The following PTPRD variants were observed in gnomAD, a reference collection of about 807,000 sequenced individuals.
The protein encoded by PTPRD is protein tyrosine phosphatase receptor type D, also known as receptor-type tyrosine-protein phosphatase delta.
A neutral mutation model predicts 214.5 loss-of-function variants in PTPRD; 34 were observed. The ratio of observed to expected loss-of-function variants is 0.16; its 90% CI spans 0.12 to 0.21. PTPRD has a LOEUF of 0.21. Among genes scored for constraint, PTPRD ranks in the 10% least tolerant of loss-of-function variants. PTPRD has a pLI of 1.00. For synonymous variants in PTPRD, 1,128 were observed against 845.7 expected (o/e 1.33, Z -5.79); for missense variants, 2,545 against 2,398.7 (o/e 1.06, Z -1.27).
chr9:9,610,234 C>T (rs150410102), intron 7 of PTPRD, among the ~76,000 whole-genome samples: 200 of 152,210 alleles, frequency 1.3e-3, no homozygotes, highest in African/African-American at 4.8e-3. Context: ...CCACTCAGTC[C>T]TTGAACAACT....
At chr9:9,100,753 T>C (rs1454842210) in intron 10 of PTPRD, among the ~76,000 whole-genome samples, 2 of 152,144 alleles carry the variant, frequency 1.3e-5, no homozygotes, top group Non-Finnish European at 1.5e-5. Flanking sequence ...CAAAATTATG[T>C]ATTGGAAATC....
intron 6 of PTPRD, among the ~76,000 whole-genome samples, chr9:9,766,246 ATTCCAG>A (rs2098706064): frequency 6.6e-6 from 1 of 152,160 alleles, no homozygotes; most frequent in Admixed American, 6.5e-5. Flanking sequence ...TCATGATAGC[ATTCCAG>A]TTTGAAATAA....
At chr9:10,504,255 C>G (rs1380244017) in intron 2 of PTPRD, among the ~76,000 whole-genome samples, 2 of 149,648 alleles carry the variant, frequency 1.3e-5, no homozygotes, top group Non-Finnish European at 3.0e-5. Context: ...TCTACATGTA[C>G]ACAAACAGTC....
At chr9:10,452,901 G>C (rs1386457426) in intron 2 of PTPRD, among the ~76,000 whole-genome samples, 1 of 151,682 alleles carries the variant, frequency 6.6e-6, no homozygotes, top group African/African-American at 2.4e-5. Flanking sequence ...TCACTGTGAA[G>C]AGCATATCAA....
chr9:9,310,420 C>A (rs907066124), intron 9 of PTPRD, among the ~76,000 whole-genome samples: 1 of 152,116 alleles, frequency 6.6e-6, no homozygotes, highest in African/African-American at 2.4e-5. Flanking sequence ...CTTACCCATT[C>A]TCTCTTCACT....
chr9:9,118,330 C>T (rs570587037), intron 10 of PTPRD, among the ~76,000 whole-genome samples: 3 of 152,234 alleles, frequency 2.0e-5, no homozygotes, highest in South Asian at 2.1e-4. Flanking sequence ...GATTCACAAG[C>T]GGAGTGAACA....
At chr9:9,753,647 G>C (rs2098542821) in intron 6 of PTPRD, among the ~76,000 whole-genome samples, 1 of 152,020 alleles carries the variant, frequency 6.6e-6, no homozygotes, top group Admixed American at 6.6e-5. Context: ...GTTCACAAGA[G>C]TTGGTGTGAT....
chr9:9,008,100 C>G, intron 11 of PTPRD, among the ~76,000 whole-genome samples: 1 of 147,976 alleles, frequency 6.8e-6, no homozygotes, highest in Non-Finnish European at 1.5e-5. Flanking sequence ...AAGATGGCGG[C>G]TTTTCATGTT....
chr9:9,630,849 G>T (rs1181618336), intron 7 of PTPRD, among the ~76,000 whole-genome samples: 1 of 152,218 alleles, frequency 6.6e-6, no homozygotes, highest in African/African-American at 2.4e-5. Context: ...TTCCCAGGAC[G>T]TAGAATGTAC....
intron 10 of PTPRD, among the ~76,000 whole-genome samples, chr9:9,114,355 T>C (rs939988314): frequency 1.3e-5 from 2 of 152,144 alleles, no homozygotes; most frequent in African/African-American, 4.8e-5. Context: ...TAAGAATCGT[T>C]TTTAGAGGCC....
chr9:8,925,677 G>A (rs544657132), intron 11 of PTPRD, among the ~76,000 whole-genome samples: 4 of 148,186 alleles, frequency 2.7e-5, no homozygotes, highest in South Asian at 4.3e-4. Flanking sequence ...CAGTATCTTG[G>A]ATGCCATCCT....
intron 11 of PTPRD, among the ~76,000 whole-genome samples, chr9:8,779,825 T>C (rs1599548562): frequency 1.3e-5 from 2 of 151,588 alleles, no homozygotes; most frequent in Non-Finnish European, 2.9e-5. Flanking sequence ...TTTTTTTTTT[T>C]TTTTTTTTGG....
At chr9:9,502,686 G>T (rs1457095079) in intron 8 of PTPRD, among the ~76,000 whole-genome samples, 1 of 151,764 alleles carries the variant, frequency 6.6e-6, no homozygotes, top group Non-Finnish European at 1.5e-5. Context: ...AAACAACCCA[G>T]ATTTTCAACT....
At chr9:9,377,535 C>T (rs933821197) in intron 9 of PTPRD, among the ~76,000 whole-genome samples, 7 of 152,150 alleles carry the variant, frequency 4.6e-5, no homozygotes, top group African/African-American at 1.7e-4. Context: ...TATTATTGAT[C>T]CTATTATCAG....
chr9:8,981,915 C>A (rs2099314623), intron 11 of PTPRD, among the ~76,000 whole-genome samples: 1 of 151,980 alleles, frequency 6.6e-6, no homozygotes, highest in Admixed American at 6.6e-5. Flanking sequence ...TTTGGAATCT[C>A]TTTTCTGTTG....
At chr9:9,588,224 C>T (rs1238157117) in intron 7 of PTPRD, among the ~76,000 whole-genome samples, 1 of 151,880 alleles carries the variant, frequency 6.6e-6, no homozygotes, top group Non-Finnish European at 1.5e-5. Context: ...TAGTCCTTAT[C>T]GCTCAGCAGA....
intron 9 of PTPRD, among the ~76,000 whole-genome samples, chr9:9,365,362 A>T (rs2057587702): frequency 1.3e-5 from 2 of 151,556 alleles, no homozygotes; most frequent in Non-Finnish European, 3.0e-5. Flanking sequence ...CTTAATAGAG[A>T]CTAAAGATTA....
intron 39 of PTPRD, among the ~76,000 whole-genome samples, chr9:8,363,683 G>C (rs2079068840): frequency 6.6e-6 from 1 of 152,196 alleles, no homozygotes; most frequent in Non-Finnish European, 1.5e-5. Context: ...ATAAGCCTTT[G>C]CAGGCTGACC....
chr9:8,609,945 T>C (rs890263112), intron 14 of PTPRD, among the ~76,000 whole-genome samples: 7 of 152,166 alleles, frequency 4.6e-5, no homozygotes, highest in African/African-American at 1.7e-4. Flanking sequence ...TAGATTCATA[T>C]TAAGTTCTGA....
Sources: gnomAD v4.1 joint callset for allele counts (sites outside exome capture counted in the v4.1 genomes callset) on GRCh38, gnomAD v4.1.1 for gene constraint, MANE v1.5 for transcripts, NCBI Gene and HGNC (gene_info 2026-07-23, HGNC 2026-07-21) for gene names.